RNF24: variants seen among roughly 807,000 people sequenced by gnomAD.
RNF24 encodes the protein ring finger protein 24.
RNF24 carries 14 observed loss-of-function variants against 20.0 expected under a neutral mutation model. The observed-to-expected ratio is 0.70, with a 90% CI of 0.46 to 1.10. RNF24 has a LOEUF of 1.10. Among genes scored for constraint, RNF24 ranks in the 50% least tolerant of loss-of-function variants. RNF24 has a pLI of 0.00. For synonymous variants in RNF24, 45 were observed against 61.1 expected (o/e 0.74, Z 1.23); for missense variants, 124 against 177.6 (o/e 0.70, Z 1.71).
At chr20:3,974,297 ATAT>A in intron 1 of RNF24, 1 of 1,548,452 alleles carries the variant, frequency 6.5e-7, no homozygotes. Flanking sequence ...TGTACAGCTA[ATAT>A]TATTCTTAAT....
intron 1 of RNF24, among the ~76,000 whole-genome samples, chr20:3,977,337 G>C (rs1978949402): frequency 6.6e-6 from 1 of 152,074 alleles, no homozygotes; most frequent in Admixed American, 6.5e-5. Context: ...TGTTACAGAA[G>C]TATAAGTCTA....
At chr20:3,942,324 A>C (rs1288503571) in intron 4 of RNF24, among the ~76,000 whole-genome samples, 1 of 146,954 alleles carries the variant, frequency 6.8e-6, no homozygotes, top group African/African-American at 2.5e-5. Flanking sequence ...GTGTGCCACC[A>C]GGCCCAGTTA....
At chr20:3,963,401 C>A (rs2091224174) in intron 2 of RNF24, among the ~76,000 whole-genome samples, 1 of 152,172 alleles carries the variant, frequency 6.6e-6, no homozygotes, top group African/African-American at 2.4e-5. Context: ...CCATGTTGGC[C>A]AGGCTGGTCG....
intron 3 of RNF24, among the ~76,000 whole-genome samples, chr20:3,947,307 C>T (rs967456837): frequency 6.6e-6 from 1 of 152,134 alleles, no homozygotes; most frequent in Non-Finnish European, 1.5e-5. Context: ...AAGAAGAAAG[C>T]TAAGGGTAAC....
chr20:3,936,062 C>A (rs1305883495), intron 4 of RNF24, among the ~76,000 whole-genome samples: 1 of 152,222 alleles, frequency 6.6e-6, no homozygotes, highest in Non-Finnish European at 1.5e-5. Context: ...ACACGTAACC[C>A]AGTCTTCTTA....
At chr20:3,979,683 T>TAAATA (rs201887866) in intron 1 of RNF24, among the ~76,000 whole-genome samples, 9 of 151,712 alleles carry the variant, frequency 5.9e-5, no homozygotes, top group Admixed American at 1.3e-4. Context: ...CTCAAAAAAA[T>TAAATA]AAATAAAATA....
At chr20:3,990,576 G>A (rs1394685803) in intron 1 of RNF24, among the ~76,000 whole-genome samples, 1 of 152,094 alleles carries the variant, frequency 6.6e-6, no homozygotes, top group African/African-American at 2.4e-5. Context: ...AATGATACCA[G>A]GTCAGTCATG....
At chr20:3,944,272 C>A (rs1197498652) in intron 4 of RNF24, among the ~76,000 whole-genome samples, 3 of 150,498 alleles carry the variant, frequency 2.0e-5, no homozygotes. Context: ...AAGGCTAGGT[C>A]TAAAATGCCA....
intron 1 of RNF24, among the ~76,000 whole-genome samples, chr20:3,972,990 G>A (rs1034075072): frequency 1.3e-5 from 2 of 151,858 alleles, no homozygotes; most frequent in Admixed American, 1.3e-4. Context: ...ATCACATGAG[G>A]TTAGGAGTTT....
intron 3 of RNF24, 84 bp downstream of exon 3, chr20:3,948,153 G>T (rs970928796): frequency 1.0e-6 from 1 of 975,104 alleles, no homozygotes; most frequent in Non-Finnish European, 1.6e-6. Flanking sequence ...TTCAGTCCCA[G>T]TTTAACGTAT....
intron 1 of RNF24, among the ~76,000 whole-genome samples, chr20:3,969,731 C>G (rs2091294579): frequency 6.6e-6 from 1 of 150,910 alleles, no homozygotes; most frequent in South Asian, 2.1e-4. Flanking sequence ...AGCCATCTTG[C>G]TGGGATAGTG....
intron 1 of RNF24, among the ~76,000 whole-genome samples, chr20:3,966,469 AGTGTGTGTGTGTGTGT>A (rs72006955): frequency 1.5e-5 from 2 of 129,232 alleles, no homozygotes; most frequent in Non-Finnish European, 3.3e-5. Flanking sequence ...TTAAGGCTTT[AGTGTGTGTGTGTGTGT>A]GTGTGTGTGT....
chr20:3,935,216 A>G, intron 4 of RNF24, 143 bp from the exon 5 acceptor site: 1 of 596,418 alleles, frequency 1.7e-6, no homozygotes, highest in Admixed American at 2.9e-5. Context: ...TGAATGAATA[A>G]ATGACTGAAA....
chr20:3,972,804 A>T (rs114775207), intron 1 of RNF24, among the ~76,000 whole-genome samples: 2,149 of 152,164 alleles, frequency 0.014, 26 homozygotes, highest in African/African-American at 0.028. Flanking sequence ...TCAAGAGGCT[A>T]AGGCACGAGG....
intron 2 of RNF24, among the ~76,000 whole-genome samples, chr20:3,949,170 A>C (rs2091053452): frequency 1.3e-5 from 2 of 152,228 alleles, no homozygotes; most frequent in Admixed American, 1.3e-4. Context: ...GCCTGAGGTC[A>C]AGAGTTTGAG....
chr20:3,952,693 TA>T (rs577133318), intron 2 of RNF24, among the ~76,000 whole-genome samples: 96 of 152,156 alleles, frequency 6.3e-4, no homozygotes, highest in African/African-American at 2.0e-3. Flanking sequence ...TTTCTTTAGA[TA>T]TTTTTTGTAG....
chr20:3,989,500 A>T (rs1980232400), intron 1 of RNF24, among the ~76,000 whole-genome samples: 1 of 151,994 alleles, frequency 6.6e-6, no homozygotes, highest in Non-Finnish European at 1.5e-5. Flanking sequence ...CAAAAAAAAA[A>T]AATAAAAAAA....
At position 3,927,394 on chromosome 20, in the gene RNF24, AAAATTTTAAAATAGCAATT is replaced by A. The variant is rs1260076706; in HGVS notation, c.*6650_*6668del. On this transcript the variant is annotated 3_prime_UTR_variant, in exon 6 of 6. Coordinates refer to ENST00000358395, the MANE Select transcript of RNF24 (RefSeq NM_001134337.3). ...TGAGGAGTGATTAGCAAAATGCATT[AAAATTTTAAAATAGCAATT>A]AAATATACAAAAATATAGCTTACAA... 1 of 152,260 alleles carries A rather than the reference AAAATTTTAAAATAGCAATT, an allele frequency of 6.6e-6. No individual in the cohort carries two copies. The highest frequency in any genetic ancestry group is 1.5e-5 in the Non-Finnish European group (1 of 68,036). The allele number at this position is 152,260 out of a possible 1,614,324, so 9.4% of individuals were successfully genotyped here.
intron 2 of RNF24, among the ~76,000 whole-genome samples, chr20:3,952,263 ATTTC>A (rs944946734): frequency 3.3e-5 from 5 of 151,986 alleles, no homozygotes; most frequent in African/African-American, 9.7e-5. Flanking sequence ...TATGAACATT[ATTTC>A]TTTATTTACA....
Sources: gnomAD v4.1 joint callset for allele counts (sites outside exome capture counted in the v4.1 genomes callset) on GRCh38, gnomAD v4.1.1 for gene constraint, MANE v1.5 for transcripts, NCBI Gene and HGNC (gene_info 2026-07-23, HGNC 2026-07-21) for gene names.